The following GSG1L variants were observed in gnomAD, a reference collection of about 807,000 sequenced individuals.
The protein encoded by GSG1L is germ cell-specific gene 1-like protein.
GSG1L carries 24 observed loss-of-function variants against 42.1 expected under a neutral mutation model. That is an observed-to-expected ratio of 0.57 (90% CI 0.41 to 0.80). The LOEUF is 0.80. Ranked by LOEUF, GSG1L falls within the 30% of genes least tolerant of loss-of-function variation. The pLI, the probability that GSG1L is intolerant of heterozygous loss-of-function variation, is 0.00. For missense variants in GSG1L, 445 were observed against 472.2 expected (o/e 0.94, Z 0.53); for synonymous variants, 215 against 203.5 (o/e 1.06, Z -0.48).
chr16:28,036,487 G>A (rs894792010), intron 1 of GSG1L, among the ~76,000 whole-genome samples: 11 of 134,888 alleles, frequency 8.2e-5, no homozygotes, highest in African/African-American at 3.3e-4. Flanking sequence ...GACAACTCAG[G>A]CACGCTCCTC....
In GSG1L at chr16:27,790,535, A is replaced by T. The variant is rs775004922; in HGVS notation, c.*835T>A. 1 of 152,264 alleles carries T rather than the reference A, an allele frequency of 6.6e-6. No individual in the cohort carries two copies. The highest frequency in any genetic ancestry group is 1.5e-5 in the Non-Finnish European group (1 of 68,060). The allele number at this position is 152,264 out of a possible 1,614,324, so 9.4% of individuals were successfully genotyped here. On this transcript the variant is annotated 3_prime_UTR_variant, in exon 7 of 7. Coordinates refer to ENST00000447459, the MANE Select transcript of GSG1L (RefSeq NM_001109763.2). ...TGGGATTTTCTGTAAAGGTGGTGCT[A>T]GGCACAGGGTAAAGCCTCCTCAGGG...
At chr16:27,937,501 CA>C (rs1328866328) in intron 2 of GSG1L, among the ~76,000 whole-genome samples, 1 of 152,206 alleles carries the variant, frequency 6.6e-6, no homozygotes, top group East Asian at 1.9e-4. Flanking sequence ...CTTGGCCTCC[CA>C]AGGTGCTGGG....
At chr16:27,885,174 G>A (rs933557424) in intron 2 of GSG1L, among the ~76,000 whole-genome samples, 1 of 151,998 alleles carries the variant, frequency 6.6e-6, no homozygotes, top group Non-Finnish European at 1.5e-5. Flanking sequence ...TTTTGAGAAA[G>A]GGTCTCGCTC....
At chr16:27,840,427 C>T (rs1352783702) in intron 4 of GSG1L, among the ~76,000 whole-genome samples, 8 of 152,176 alleles carry the variant, frequency 5.3e-5, no homozygotes, top group Admixed American at 2.6e-4. Flanking sequence ...GTCCCTGCCA[C>T]GTTAAGCCAA....
intron 1 of GSG1L, among the ~76,000 whole-genome samples, chr16:28,055,696 C>T (rs2086271339): frequency 6.6e-6 from 1 of 151,682 alleles, no homozygotes; most frequent in Admixed American, 6.6e-5. Context: ...TCTTGAACTC[C>T]AGACCTCAGG....
At chr16:27,993,218 G>A (rs1229601673) in intron 1 of GSG1L, among the ~76,000 whole-genome samples, 1 of 151,988 alleles carries the variant, frequency 6.6e-6, no homozygotes, top group Non-Finnish European at 1.5e-5. Flanking sequence ...GTGCAATCTT[G>A]GCTCACTGCA....
rs190780682 is a variant in GSG1L at position 27,813,530 on chromosome 16, C to A, written c.831-5976G>T. Among the ~76,000 whole-genome samples the A allele has an allele frequency of 9.9e-4, 151 of 152,350 alleles. 1 individual carries two copies. The highest frequency in any genetic ancestry group is 3.3e-3 in the African/African-American group (139 of 41,572). On this transcript the variant is annotated intron_variant, in intron 5 of 6. Transcript: ENST00000447459. ...TCCTAATGTGAAGAGCGCTGCTGAC[C>A]TGCTCATATCTAAGAGAGGAAGCTG...
At chr16:27,963,063 G>T (rs1480703308) in intron 2 of GSG1L, 93 bp downstream of exon 2, 8 of 1,051,040 alleles carry the variant, frequency 7.6e-6, no homozygotes, top group Non-Finnish European at 1.2e-5. Flanking sequence ...TGCTGAAGAA[G>T]ATGCTATCAC....
intron 1 of GSG1L, among the ~76,000 whole-genome samples, chr16:27,977,030 T>C (rs2085258759): frequency 6.6e-6 from 1 of 152,178 alleles, no homozygotes; most frequent in Non-Finnish European, 1.5e-5. Context: ...GAGTTTGTCA[T>C]GTTGCCTTAG....
chr16:27,815,375 G>T (rs1399182905), intron 5 of GSG1L, among the ~76,000 whole-genome samples: 1 of 152,148 alleles, frequency 6.6e-6, no homozygotes, highest in African/African-American at 2.4e-5. Context: ...ATAAGTAAAA[G>T]CTTCCTGAGG....
intron 4 of GSG1L, among the ~76,000 whole-genome samples, chr16:27,837,155 G>A (rs1280951919): frequency 1.3e-5 from 2 of 152,208 alleles, no homozygotes; most frequent in Non-Finnish European, 2.9e-5. Flanking sequence ...GGCAGAAGGT[G>A]AAGAGGAAGC....
At position 27,952,930 on chromosome 16, in the gene GSG1L, T is replaced by A. The variant is rs568252301; in HGVS notation, c.397+10226A>T. ...AGCCCTCCGCAAGTTCCCTTTCAGTTACACCTTCTCTGCAAGGGCAACCGC... is the reference window on the plus strand; with the variant it reads ...AGCCCTCCGCAAGTTCCCTTTCAGTAACACCTTCTCTGCAAGGGCAACCGC... On this transcript the variant is annotated intron_variant, in intron 2 of 6. Coordinates refer to ENST00000447459, the MANE Select transcript of GSG1L (RefSeq NM_001109763.2). Among the ~76,000 whole-genome samples the A allele has an allele frequency of 2.0e-5, 3 of 152,326 alleles. No individual in the cohort carries two copies. The South Asian group carries it at 6.2e-4, about 32-fold the overall frequency.
intron 3 of GSG1L, among the ~76,000 whole-genome samples, chr16:27,858,763 G>A (rs147808726): frequency 2.6e-5 from 4 of 152,274 alleles, no homozygotes; most frequent in African/African-American, 9.6e-5. Context: ...AACCCAGCCT[G>A]GGCAACATAG....
chr16:28,063,200 G>T lies in GSG1L; in HGVS notation c.225C>A (p.Thr75=). The change falls in exon 1 of 7, where the codon ACC becomes ACA. Residue 75 remains threonine (T), a synonymous_variant. Transcript: ENST00000447459. This position sits in a 1 kb window ranked among gnomAD's most constrained non-coding sequence, Gnocchi z 5.8. The part of the protein sequence containing the change: ...AAPAAAAAAA[T]ASGNGPPGGA... ...CGCCAGGGGGGCCGTTCCCCGAGGC[G>T]GTGGCGGCGGCGGCGGCGGCGGCGG... 4 of 1,289,504 alleles carry T rather than the reference G, an allele frequency of 3.1e-6. No individual in the cohort carries two copies. Among genetic ancestry groups the T allele is most frequent in the Non-Finnish European group, 2.9e-6 (3 of 1,021,000 alleles). The allele number at this position is 1,289,504 out of a possible 1,614,324, so 79.9% of individuals were successfully genotyped here.
At chr16:27,972,917 G>A (rs932518827) in intron 1 of GSG1L, among the ~76,000 whole-genome samples, 3 of 152,202 alleles carry the variant, frequency 2.0e-5, no homozygotes, top group Non-Finnish European at 4.4e-5. Flanking sequence ...TCATGTGATG[G>A]CACCGGCCGA....
chr16:27,964,443 G>T (rs1241858630), intron 1 of GSG1L, among the ~76,000 whole-genome samples: 2 of 152,088 alleles, frequency 1.3e-5, no homozygotes, highest in Non-Finnish European at 1.5e-5. Context: ...ATAATTAATT[G>T]TTGTATTTAT....
intron 4 of GSG1L, 135 bp from the exon 5 acceptor site, chr16:27,829,091 G>T: frequency 1.3e-6 from 1 of 782,374 alleles, no homozygotes; most frequent in Non-Finnish European, 2.0e-6. Context: ...CTGCCACAGA[G>T]AAGGATAAGA....
chr16:27,789,295 G>C lies in GSG1L; in HGVS notation c.*2075C>G, dbSNP rs1333533644. 1 of 152,146 alleles carries C rather than the reference G, an allele frequency of 6.6e-6. No individual in the cohort carries two copies. The highest frequency in any genetic ancestry group is 2.1e-4 in the South Asian group (1 of 4,826). 9.4% of individuals were successfully genotyped at this position (152,146 alleles called of 1,614,324 possible). On this transcript the variant is annotated 3_prime_UTR_variant, in exon 7 of 7. Transcript: ENST00000447459. ...AGAAATGGATAATGGATGGATGGAT[G>C]GTTGATGGATAATGGGCAGATGGAG...
rs888270886 is a variant in GSG1L at position 28,059,196 on chromosome 16, C to T, written c.349+3880G>A. Reference sequence around the variant, plus strand: ...CCTGGGAGTTTCCTGCCTGAAACCACGCTGCTAGTAAGAGGCTGAGCCCAG... The same window carrying T: ...CCTGGGAGTTTCCTGCCTGAAACCATGCTGCTAGTAAGAGGCTGAGCCCAG... On this transcript the variant is annotated intron_variant, in intron 1 of 6. Transcript: ENST00000447459. This position sits in a 1 kb window ranked among gnomAD's most constrained non-coding sequence, Gnocchi z 4.4. 4.6e-5 allele frequency among the ~76,000 whole-genome samples: 7 copies of T among 152,186 alleles called. No individual in the cohort carries two copies. The highest frequency in any genetic ancestry group is 1.2e-4 in the African/African-American group (5 of 41,440).
Sources: gnomAD v4.1 joint callset for allele counts (sites outside exome capture counted in the v4.1 genomes callset) on GRCh38, gnomAD v4.1.1 for gene constraint, Gnocchi (gnomAD v3.1) non-coding constraint, MANE v1.5 for transcripts, NCBI Gene and HGNC (gene_info 2026-07-23, HGNC 2026-07-21) for gene names.